Variants in NLGN1 observed in about 807,000 individuals in gnomAD.
The protein encoded by NLGN1 is neuroligin 1, also known as neuroligin-1.
Under a neutral mutation model 65.5 loss-of-function variants are expected in NLGN1, and 12 were observed. The observed-to-expected ratio is 0.18, with a 90% CI of 0.12 to 0.30. NLGN1 has a LOEUF of 0.30. Ranked by LOEUF, NLGN1 falls within the 10% of genes least tolerant of loss-of-function variation. The pLI, the probability that NLGN1 is intolerant of heterozygous loss-of-function variation, is 1.00. For synonymous variants in NLGN1, 350 were observed against 359.5 expected, an observed-to-expected ratio of 0.97 and a Z score of 0.30; for missense variants, 750 against 1,007.1, an observed-to-expected ratio of 0.74 and a Z score of 3.46.
At chr3:173,950,953 G>T (rs147149752) in intron 4 of NLGN1, among the ~76,000 whole-genome samples, 1 of 151,506 alleles carries the variant, frequency 6.6e-6, no homozygotes, top group Non-Finnish European at 1.5e-5. Context: ...TACAACCTCC[G>T]TCTCCCGGGT....
At chr3:173,422,737 T>C (rs1715327646) in intron 1 of NLGN1, among the ~76,000 whole-genome samples, 1 of 152,228 alleles carries the variant, frequency 6.6e-6, no homozygotes, top group Admixed American at 6.5e-5. Flanking sequence ...GAACACTTTT[T>C]ATATACTTGT....
intron 2 of NLGN1, among the ~76,000 whole-genome samples, chr3:173,443,421 C>T (rs1412907259): frequency 6.6e-6 from 1 of 150,512 alleles, no homozygotes; most frequent in Non-Finnish European, 1.5e-5. Context: ...ACTCCCAATA[C>T]CATTTTATAT....
At chr3:173,767,471 C>A (rs1778938220) in intron 3 of NLGN1, among the ~76,000 whole-genome samples, 1 of 151,860 alleles carries the variant, frequency 6.6e-6, no homozygotes, top group Non-Finnish European at 1.5e-5. Flanking sequence ...GGGGAATAGG[C>A]ATTTTCACCA....
intron 2 of NLGN1, among the ~76,000 whole-genome samples, chr3:173,517,620 A>T (rs184101852): frequency 2.0e-5 from 3 of 152,232 alleles, no homozygotes; most frequent in East Asian, 3.9e-4. Context: ...TCCTGTGATT[A>T]GTTTTCTTTT....
intron 4 of NLGN1, among the ~76,000 whole-genome samples, chr3:173,955,422 T>C (rs1274725853): frequency 6.6e-6 from 1 of 151,912 alleles, no homozygotes; most frequent in Non-Finnish European, 1.5e-5. Context: ...TTTTTCCCCT[T>C]ACAAAATACA....
intron 3 of NLGN1, among the ~76,000 whole-genome samples, chr3:173,621,070 T>C (rs1172729666): frequency 6.6e-6 from 1 of 152,100 alleles, no homozygotes; most frequent in Non-Finnish European, 1.5e-5. Flanking sequence ...GAATTACAAA[T>C]CAAGTCTGTA....
intron 4 of NLGN1, among the ~76,000 whole-genome samples, chr3:173,918,365 G>A (rs1214216218): frequency 1.3e-5 from 2 of 151,964 alleles, no homozygotes; most frequent in Non-Finnish European, 2.9e-5. Context: ...GGCCGGGCGC[G>A]GTGGCTCACA....
intron 4 of NLGN1, among the ~76,000 whole-genome samples, chr3:173,919,560 G>A (rs73035474): frequency 0.042 from 6,428 of 152,258 alleles, 478 homozygotes; most frequent in African/African-American, 0.15. Context: ...TAATGGTAGA[G>A]TTAAGAATTT....
chr3:174,197,505 C>T (rs530179914), intron 4 of NLGN1, among the ~76,000 whole-genome samples: 20 of 118,248 alleles, frequency 1.7e-4, no homozygotes, highest in African/African-American at 2.1e-4. Flanking sequence ...TCTTGAGCTA[C>T]GGTACTTAAC....
intron 3 of NLGN1, among the ~76,000 whole-genome samples, chr3:173,622,814 A>G (rs1754214749): frequency 6.6e-6 from 1 of 152,140 alleles, no homozygotes. Context: ...TGTGATTCCA[A>G]TAGAATAATT....
intron 3 of NLGN1, among the ~76,000 whole-genome samples, chr3:173,679,962 G>A (rs890885410): frequency 2.0e-5 from 3 of 152,006 alleles, no homozygotes; most frequent in African/African-American, 7.2e-5. Flanking sequence ...ACTGTGAAAA[G>A]AAATCAGGAA....
intron 3 of NLGN1, among the ~76,000 whole-genome samples, chr3:173,631,525 G>A (rs1365290749): frequency 6.6e-6 from 1 of 152,102 alleles, no homozygotes; most frequent in Non-Finnish European, 1.5e-5. Flanking sequence ...AGAAACAGAG[G>A]CTACCAGGAG....
At chr3:174,250,458 T>C (rs975493499) in intron 4 of NLGN1, among the ~76,000 whole-genome samples, 1 of 152,214 alleles carries the variant, frequency 6.6e-6, no homozygotes, top group African/African-American at 2.4e-5. Flanking sequence ...GGGGAAAGCA[T>C]TGCAAAAGAC....
chr3:174,257,633 C>T (rs971593735), intron 4 of NLGN1, among the ~76,000 whole-genome samples: 1 of 151,700 alleles, frequency 6.6e-6, no homozygotes, highest in Non-Finnish European at 1.5e-5. Context: ...GGAGCCATTA[C>T]CCTCAACAAC....
At chr3:173,838,741 T>A (rs1724165567) in intron 4 of NLGN1, among the ~76,000 whole-genome samples, 1 of 152,190 alleles carries the variant, frequency 6.6e-6, no homozygotes, top group African/African-American at 2.4e-5. Context: ...TCCAAGAACT[T>A]CTGAATTGCT....
rs188899249 is a variant in NLGN1, at chr3:173,731,376, T to A, written c.494-76304T>A. Among the ~76,000 whole-genome samples, 245 of 152,250 alleles carry A rather than the reference T, an allele frequency of 1.6e-3. 2 individuals are homozygous for A. Among genetic ancestry groups the A allele is most frequent in the African/African-American group, 5.7e-3 (235 of 41,570 alleles). On this transcript the variant is annotated intron_variant, in intron 3 of 6. Coordinates refer to ENST00000457714, the Ensembl canonical transcript of NLGN1. ...TCATTTAAATATAAGATGGACTGTA[T>A]TCAATTTCAAGTTTTTATTTTGGAA...
chr3:174,206,617 C>T (rs1735477743), intron 4 of NLGN1, among the ~76,000 whole-genome samples: 2 of 152,148 alleles, frequency 1.3e-5, no homozygotes, highest in Admixed American at 1.3e-4. Flanking sequence ...TAGAAGTTAC[C>T]TCTCAGAGTC....
At chr3:174,014,880 A>G (rs909538872) in intron 4 of NLGN1, among the ~76,000 whole-genome samples, 1 of 152,286 alleles carries the variant, frequency 6.6e-6, no homozygotes, top group East Asian at 1.9e-4. Flanking sequence ...TAGAGGCTTC[A>G]TAAAAGATAA....
intron 4 of NLGN1, among the ~76,000 whole-genome samples, chr3:174,094,068 C>T (rs1745004796): frequency 6.6e-6 from 1 of 151,980 alleles, no homozygotes. Flanking sequence ...AATCTATATA[C>T]CGTAGTGTGC....
Sources: gnomAD v4.1 joint callset for allele counts (sites outside exome capture counted in the v4.1 genomes callset) on GRCh38, gnomAD v4.1.1 for gene constraint, MANE v1.5 for transcripts, NCBI Gene and HGNC (gene_info 2026-07-23, HGNC 2026-07-21) for gene names.